Variants in NAV3 observed in about 807,000 individuals in gnomAD.
NAV3 encodes the protein neuron navigator 3.
In NAV3, 87 loss-of-function variants were observed where a neutral mutation model predicts 244.7. That is an observed-to-expected ratio of 0.36 (90% CI 0.30 to 0.42). NAV3 has a LOEUF of 0.42. NAV3 is among the 20% of genes least tolerant of loss of function. NAV3 has a pLI of 1.00. For synonymous variants in NAV3, 1,126 were observed against 1,042.2 expected (o/e 1.08, Z -1.55); for missense variants, 2,663 against 2,893.3 (o/e 0.92, Z 1.83).
intron 30 of NAV3, among the ~76,000 whole-genome samples, chr12:78,185,272 G>T (rs1593955884): frequency 1.3e-5 from 2 of 151,878 alleles, no homozygotes; most frequent in Non-Finnish European, 2.9e-5. Flanking sequence ...GTTTGTCATG[G>T]TTATAATGGT....
chr12:77,948,963 G>A (rs1056541158), intron 3 of NAV3, among the ~76,000 whole-genome samples: 1 of 151,854 alleles, frequency 6.6e-6, no homozygotes, highest in Non-Finnish European at 1.5e-5. Flanking sequence ...GATCAGATAA[G>A]TATTTTGAAA....
At chr12:77,884,907 A>G (rs570915396) in intron 1 of NAV3, among the ~76,000 whole-genome samples, 72 of 152,274 alleles carry the variant, frequency 4.7e-4, no homozygotes, top group African/African-American at 1.7e-3. Context: ...TGACAATTCC[A>G]AATTATTAAT....
chr12:78,104,462 A>G (rs971587616), intron 12 of NAV3, among the ~76,000 whole-genome samples: 1 of 152,174 alleles, frequency 6.6e-6, no homozygotes, highest in Non-Finnish European at 1.5e-5. Context: ...TGTATAACAC[A>G]TTTGTTTTCA....
chr12:77,674,867 A>G (rs886103721), intron 2 of NAV3, among the ~76,000 whole-genome samples: 7 of 152,224 alleles, frequency 4.6e-5, no homozygotes, highest in South Asian at 2.1e-4. Context: ...CTCTGGAGGA[A>G]AAGAAAGTTG....
At chr12:77,900,753 T>C (rs552802796) in intron 1 of NAV3, among the ~76,000 whole-genome samples, 55 of 152,368 alleles carry the variant, frequency 3.6e-4, no homozygotes, top group Admixed American at 1.1e-3. Context: ...CTGGGTCAAA[T>C]AAATGGTAGT....
intron 13 of NAV3, 138 bp downstream of exon 13, chr12:78,117,042 C>T: frequency 5.2e-6 from 5 of 954,562 alleles, no homozygotes; most frequent in East Asian, 2.6e-5. Context: ...ATAATAAGGA[C>T]TCCCTTTGCC....
At chr12:77,676,498 G>A (rs1874211257) in intron 2 of NAV3, among the ~76,000 whole-genome samples, 1 of 150,632 alleles carries the variant, frequency 6.6e-6, no homozygotes, top group African/African-American at 2.4e-5. Flanking sequence ...GAAACAAGTG[G>A]GCTTTCTTTT....
rs532931392 is a variant in NAV3 at position 78,069,205 on chromosome 12, G to T, written c.2636+10090G>T. Among the ~76,000 whole-genome samples, 79 of 151,648 alleles carry T rather than the reference G, an allele frequency of 5.2e-4. 1 individual carries two copies. In the South Asian group the frequency reaches 0.015, roughly 29 times the overall value. Reference sequence around the variant, plus strand: ...GTTAAAGTTATTTGCAATAAGCTTGGTTTTTTTTAAAGCCTTACCAGAGCT... The same window carrying T: ...GTTAAAGTTATTTGCAATAAGCTTGTTTTTTTTTAAAGCCTTACCAGAGCT... On this transcript the variant is annotated intron_variant, in intron 12 of 39. Transcript: ENST00000397909.
chr12:77,646,041 G>A (rs1056739780), intron 2 of NAV3, among the ~76,000 whole-genome samples: 2 of 152,088 alleles, frequency 1.3e-5, no homozygotes, highest in South Asian at 2.1e-4. Context: ...AATTTATTTT[G>A]TATTTACTTA....
chr12:78,124,845 T>A (rs1331416375), intron 16 of NAV3, among the ~76,000 whole-genome samples: 1 of 151,776 alleles, frequency 6.6e-6, no homozygotes, highest in African/African-American at 2.4e-5. Context: ...TAATTTTGGA[T>A]AAATATGTTT....
intron 18 of NAV3, among the ~76,000 whole-genome samples, chr12:78,129,810 G>A (rs1956084573): frequency 6.6e-6 from 1 of 152,054 alleles, no homozygotes; most frequent in Admixed American, 6.6e-5. Flanking sequence ...ATTTAGGACG[G>A]AGGACAATGA....
At chr12:77,669,222 T>A (rs2137068037) in intron 2 of NAV3, among the ~76,000 whole-genome samples, 1 of 152,172 alleles carries the variant, frequency 6.6e-6, no homozygotes, top group South Asian at 2.1e-4. Flanking sequence ...AAACAAATCC[T>A]CAAAATACAC....
At chr12:77,884,673 G>A (rs908860264) in intron 1 of NAV3, among the ~76,000 whole-genome samples, 9 of 152,050 alleles carry the variant, frequency 5.9e-5, no homozygotes, top group Admixed American at 1.3e-4. Flanking sequence ...CATTGATGGC[G>A]GATCTTCCTT....
intron 2 of NAV3, among the ~76,000 whole-genome samples, chr12:77,618,427 G>A (rs367853351): frequency 2.2e-4 from 33 of 152,192 alleles, no homozygotes; most frequent in African/African-American, 3.6e-4. Context: ...ATAATGTTTT[G>A]TCTACTAGAA....
At chr12:78,109,432 C>T (rs1954974250) in intron 12 of NAV3, among the ~76,000 whole-genome samples, 1 of 151,996 alleles carries the variant, frequency 6.6e-6, no homozygotes, top group East Asian at 1.9e-4. Context: ...GGAAGGAATT[C>T]TCTCTGGCTC....
chr12:78,122,859 C>G (rs1955735070), intron 16 of NAV3, among the ~76,000 whole-genome samples: 1 of 148,618 alleles, frequency 6.7e-6, no homozygotes, highest in South Asian at 2.1e-4. Context: ...ATTTGTACTT[C>G]TATGAAAAAA....
intron 38 of NAV3, among the ~76,000 whole-genome samples, chr12:78,202,187 T>C (rs1424852671): frequency 6.6e-6 from 1 of 152,086 alleles, no homozygotes; most frequent in African/African-American, 2.4e-5. Context: ...AGAAAACTAC[T>C]ATAGGATATA....
At chr12:77,592,638 A>G (rs1869959847) in intron 2 of NAV3, among the ~76,000 whole-genome samples, 1 of 152,150 alleles carries the variant, frequency 6.6e-6, no homozygotes, top group Non-Finnish European at 1.5e-5. Context: ...AGTTGTTACT[A>G]GTCATTTGGT....
At chr12:77,758,585 C>T (rs944440046) in intron 2 of NAV3, among the ~76,000 whole-genome samples, 1 of 152,074 alleles carries the variant, frequency 6.6e-6, no homozygotes, top group African/African-American at 2.4e-5. Context: ...CCCAAGTAAC[C>T]AGTTATACGC....
Sources: gnomAD v4.1 joint callset for allele counts (sites outside exome capture counted in the v4.1 genomes callset) on GRCh38, gnomAD v4.1.1 for gene constraint, MANE v1.5 for transcripts, NCBI Gene and HGNC (gene_info 2026-07-23, HGNC 2026-07-21) for gene names.